The following THUMPD2 variants were observed in gnomAD, a reference collection of about 807,000 sequenced individuals.
THUMPD2 encodes the protein U6 snRNA (guanine-N(2))-methyltransferase THUMPD2.
In THUMPD2, 56 loss-of-function variants were observed where a neutral mutation model predicts 49.4. The observed-to-expected ratio is 1.13, with a 90% CI of 0.91 to 1.41. THUMPD2 has a LOEUF of 1.41. THUMPD2 is among the 40% of genes most tolerant of loss of function. The probability of loss-of-function intolerance (pLI) is 0.00; values close to 1 mark genes in which losing one functional copy is unlikely to be tolerated. For synonymous variants in THUMPD2, 237 were observed against 205.2 expected (o/e 1.15, Z -1.32); for missense variants, 709 against 594.5 (o/e 1.19, Z -2.00).
At chr2:39,766,175 G>T in intron 4 of THUMPD2, 66 bp from the exon 5 acceptor site, 1 of 1,206,056 alleles carries the variant, frequency 8.3e-7, no homozygotes. Flanking sequence ...CTGACAATTT[G>T]AAATTTCCAT....
chr2:39,741,347 G>A (rs1296416257), intron 9 of THUMPD2, among the ~76,000 whole-genome samples: 3 of 152,150 alleles, frequency 2.0e-5, no homozygotes, highest in Admixed American at 6.5e-5. Flanking sequence ...CACACCTCCT[G>A]CTGTACTGCT....
chr2:39,762,516 A>G (rs1020474322), intron 5 of THUMPD2, among the ~76,000 whole-genome samples: 2 of 152,010 alleles, frequency 1.3e-5, no homozygotes, highest in Non-Finnish European at 2.9e-5. Flanking sequence ...CTACATGGCA[A>G]ACCCATGGGA....
In THUMPD2 at chr2:39,761,538, T is replaced by C. The variant is rs1444907566; in HGVS notation, c.804-120A>G. 1.2e-5 allele frequency: 11 copies of C among 890,058 alleles called. No homozygotes were observed. The African/African-American group carries it at 1.6e-4, about 13-fold the overall frequency. 55.1% of individuals were successfully genotyped at this position (890,058 alleles called of 1,614,324 possible). ...TATTCATCCAACATACACTAAAGTA[T>C]TCCCTAAGTTAGACAATGTTTCAGT... On this transcript the variant is annotated intron_variant, in intron 5 of 9. Transcript: ENST00000505747.
chr2:39,742,963 A>G (rs1407917821), intron 9 of THUMPD2, among the ~76,000 whole-genome samples: 1 of 152,192 alleles, frequency 6.6e-6, no homozygotes, highest in Non-Finnish European at 1.5e-5. Flanking sequence ...GAGAGGTCTC[A>G]GGTAATATTT....
intron 4 of THUMPD2, 27 bp from the exon 5 acceptor site, chr2:39,766,136 A>C (rs766305881): frequency 5.3e-6 from 8 of 1,504,938 alleles, no homozygotes; most frequent in Middle Eastern, 1.7e-4. Flanking sequence ...AGAAGTTAGA[A>C]TGGAACAAGA....
Position 39,736,904 on chromosome 2 carries a change from G to A in THUMPD2, c.1343C>T (p.Thr448Ile), listed in dbSNP as rs572433086. 3 of 1,614,176 alleles carry A rather than the reference G, an allele frequency of 1.9e-6. No homozygotes were observed. Among genetic ancestry groups the A allele is most frequent in the Admixed American group, 3.3e-5 (2 of 60,024 alleles). Residue 448 changes from threonine (T) to isoleucine (I), a missense_variant, in exon 10 of 10, where the codon ACT becomes ATT. Coordinates refer to ENST00000505747, the MANE Select transcript of THUMPD2 (RefSeq NM_025264.5). ...AGTTGACGCTGTCTTGAATGCACCA[G>A]TTTTTTCTTCAGGATTCAAGCACTT... Reference protein sequence around the residue: ...IKKCLNPEEKTGAFKTASTSF... With the variant: ...IKKCLNPEEKIGAFKTASTSF...
At chr2:39,769,679 C>A (rs779163390) in intron 3 of THUMPD2, 31 bp downstream of exon 3, 2 of 1,471,622 alleles carry the variant, frequency 1.4e-6, no homozygotes, top group Non-Finnish European at 9.0e-7. Flanking sequence ...CCAGCCTGGG[C>A]GACAGACTCC....
chr2:39,739,060 T>A (rs1572727055), intron 9 of THUMPD2, among the ~76,000 whole-genome samples: 1 of 152,214 alleles, frequency 6.6e-6, no homozygotes, highest in Non-Finnish European at 1.5e-5. Context: ...CATTCATAGT[T>A]TGCCTGGACC....
At chr2:39,744,286 C>G in intron 9 of THUMPD2, 84 bp downstream of exon 9, 1 of 685,572 alleles carries the variant, frequency 1.5e-6, no homozygotes, top group Non-Finnish European at 2.3e-6. Context: ...AAAAAGCAAT[C>G]AGACCTTAAC....
At chr2:39,776,349 G>A (rs182112673) in intron 1 of THUMPD2, among the ~76,000 whole-genome samples, 1 of 151,498 alleles carries the variant, frequency 6.6e-6, no homozygotes, top group African/African-American at 2.4e-5. Flanking sequence ...GAAATACAGA[G>A]GATAGAGGAA....
At chr2:39,742,168 C>G (rs1188548447) in intron 9 of THUMPD2, among the ~76,000 whole-genome samples, 1 of 152,076 alleles carries the variant, frequency 6.6e-6, no homozygotes, top group African/African-American at 2.4e-5. Flanking sequence ...TTATGCCACA[C>G]TGCCTGTATA....
chr2:39,777,389 T>C (rs80054810), intron 1 of THUMPD2, among the ~76,000 whole-genome samples: 2,422 of 152,266 alleles, frequency 0.016, 21 homozygotes, highest in Non-Finnish European at 0.023. Flanking sequence ...CCAGGGAAGA[T>C]TCCCATGGTA....
Position 39,769,700 on chromosome 2 carries a change from G to A in THUMPD2, c.672+10C>T. 6.7e-7 allele frequency: 1 copy of A among 1,498,804 alleles called. No individual in the cohort carries two copies. Among genetic ancestry groups the A allele is most frequent in the Non-Finnish European group, 8.8e-7 (1 of 1,131,034 alleles). The allele number at this position is 1,498,804 out of a possible 1,614,324, so 92.8% of individuals were successfully genotyped here. ...TGGGCGACAGACTCCACTTTAGGAT[G>A]CAAGCATACCTGTGCAGTGAAGGCC... On this transcript the variant is annotated intron_variant, in intron 3 of 9. Coordinates refer to ENST00000505747, the MANE Select transcript of THUMPD2 (RefSeq NM_025264.5).
At chr2:39,744,348 GA>G (rs1342830185) in intron 9 of THUMPD2, 21 bp downstream of exon 9, 4 of 1,464,676 alleles carry the variant, frequency 2.7e-6, no homozygotes, top group Non-Finnish European at 3.7e-6. Flanking sequence ...AAAAAATTAT[GA>G]AAATAAATTC....
chr2:39,772,829 A>G (rs186847736), intron 1 of THUMPD2, among the ~76,000 whole-genome samples: 2 of 152,322 alleles, frequency 1.3e-5, no homozygotes, highest in African/African-American at 2.4e-5. Context: ...ATCCATGGGT[A>G]CTTGAACTCC....
chr2:39,737,267 T>C (rs1006414962), intron 9 of THUMPD2, among the ~76,000 whole-genome samples: 2 of 105,206 alleles, frequency 1.9e-5, no homozygotes, highest in African/African-American at 7.3e-5. Context: ...GCTTTAATTA[T>C]CTATTTTTAC....
intron 8 of THUMPD2, among the ~76,000 whole-genome samples, chr2:39,750,401 T>C (rs1203881334): frequency 6.6e-6 from 1 of 152,238 alleles, no homozygotes; most frequent in Non-Finnish European, 1.5e-5. Flanking sequence ...TGTCTTCTTT[T>C]GAGAAGTATC....
intron 1 of THUMPD2, among the ~76,000 whole-genome samples, chr2:39,778,764 A>AT (rs1679450158): frequency 6.6e-6 from 1 of 152,268 alleles, no homozygotes; most frequent in African/African-American, 2.4e-5. Context: ...GAACTTGGAG[A>AT]TTATGTTTGC....
intron 5 of THUMPD2, among the ~76,000 whole-genome samples, chr2:39,765,177 T>C (rs1469868745): frequency 6.6e-6 from 1 of 152,176 alleles, no homozygotes; most frequent in Non-Finnish European, 1.5e-5. Context: ...TTTGTTTTTT[T>C]GAGACAGAGT....
Sources: gnomAD v4.1 joint callset for allele counts (sites outside exome capture counted in the v4.1 genomes callset) on GRCh38, gnomAD v4.1.1 for gene constraint, MANE v1.5 for transcripts, NCBI Gene and HGNC (gene_info 2026-07-23, HGNC 2026-07-21) for gene names.